The following MYZAP variants were observed in gnomAD, a reference collection of about 807,000 sequenced individuals.
MYZAP encodes the protein myocardial zonula adherens protein, also known as GRINL1A complex locus upstream.
Under a neutral mutation model 69.4 loss-of-function variants are expected in MYZAP, and 66 were observed. The observed-to-expected ratio is 0.95, with a 90% confidence interval of 0.78 to 1.17. MYZAP has a LOEUF of 1.17. Among genes scored for constraint, MYZAP ranks in the 50% most tolerant of loss-of-function variants. The pLI is 0.00. For synonymous variants in MYZAP, 256 were observed against 205.9 expected, an observed-to-expected ratio of 1.24 and a Z score of -2.09; for missense variants, 611 against 556.2, an observed-to-expected ratio of 1.10 and a Z score of -0.99.
At chr15:57,664,147 AC>A (rs1459724187) in intron 11 of MYZAP, among the ~76,000 whole-genome samples, 7 of 150,778 alleles carry the variant, frequency 4.6e-5, no homozygotes, top group Non-Finnish European at 8.8e-5. Context: ...CATCATTTTG[AC>A]ACCTTTCAGA....
chr15:57,664,334 A>T (rs1166123534), intron 11 of MYZAP, among the ~76,000 whole-genome samples: 9 of 152,214 alleles, frequency 5.9e-5, no homozygotes, highest in African/African-American at 2.2e-4. Flanking sequence ...TTAAAAACTT[A>T]TGCATTCTTT....
At chr15:57,627,939 G>T (rs528913479) in intron 5 of MYZAP, among the ~76,000 whole-genome samples, 8 of 152,196 alleles carry the variant, frequency 5.3e-5, no homozygotes, top group Non-Finnish European at 1.0e-4. Flanking sequence ...AATAGCTTCA[G>T]TATTTTCTTT....
intron 12 of MYZAP, among the ~76,000 whole-genome samples, chr15:57,682,571 C>G (rs2039498738): frequency 6.6e-6 from 1 of 152,104 alleles, no homozygotes; most frequent in Non-Finnish European, 1.5e-5. Flanking sequence ...CCTAGTCAAC[C>G]CTCGATAGTA....
intron 6 of MYZAP, among the ~76,000 whole-genome samples, chr15:57,631,844 T>G (rs971376166): frequency 7.2e-5 from 11 of 152,216 alleles, no homozygotes; most frequent in Admixed American, 5.9e-4. Context: ...GCAAACCTTC[T>G]GCAGCATAAA....
At chr15:57,647,062 C>T in intron 10 of MYZAP, 2 of 985,342 alleles carry the variant, frequency 2.0e-6, no homozygotes, top group South Asian at 9.4e-5. Context: ...TGAGTGCGTT[C>T]AGAGGCCCAG....
intron 10 of MYZAP, among the ~76,000 whole-genome samples, chr15:57,643,030 C>A (rs1356424607): frequency 6.6e-6 from 1 of 152,198 alleles, no homozygotes; most frequent in Non-Finnish European, 1.5e-5. Context: ...TGAATTAAGT[C>A]TCCTGTCATG....
At chr15:57,613,162 G>T (rs1458496299) in intron 2 of MYZAP, among the ~76,000 whole-genome samples, 1 of 152,048 alleles carries the variant, frequency 6.6e-6, no homozygotes. Context: ...TCCATCTCCT[G>T]ACCTTGTGAT....
intron 1 of MYZAP, 133 bp downstream of exon 1, chr15:57,592,242 G>T: frequency 2.5e-6 from 2 of 814,934 alleles, no homozygotes; most frequent in Non-Finnish European, 3.3e-6. Context: ...TCAACTCCCC[G>T]GTCCTGTGCC....
chr15:57,647,618 A>G lies in MYZAP; in HGVS notation c.1119+8073A>G, dbSNP rs1437272603. On this transcript the variant is annotated intron_variant, in intron 10 of 12. Coordinates refer to ENST00000267853, the MANE Select transcript of MYZAP (RefSeq NM_001018100.5). ...TAGAGTTTCTTTTCTCTTTTGGGCT[A>G]TGAACCGTACCTGGAGGCCAGGCAG... The G allele has an allele frequency of 1.1e-5, 11 of 985,256 alleles. No individual in the cohort carries two copies. The Admixed American group carries it at 6.2e-4, about 55-fold the overall frequency. 61.0% of individuals were successfully genotyped at this position (985,256 alleles called of 1,614,324 possible).
chr15:57,656,966 G>A (rs1312099220), intron 10 of MYZAP, among the ~76,000 whole-genome samples: 1 of 152,132 alleles, frequency 6.6e-6, no homozygotes, highest in African/African-American at 2.4e-5. Context: ...CTCCAGACTA[G>A]CATCAGCCCT....
At chr15:57,623,222 T>C (rs2035925739) in intron 4 of MYZAP, among the ~76,000 whole-genome samples, 1 of 152,192 alleles carries the variant, frequency 6.6e-6, no homozygotes, top group Non-Finnish European at 1.5e-5. Flanking sequence ...AGAAGAGGGT[T>C]GCTGATGAAA....
intron 2 of MYZAP, among the ~76,000 whole-genome samples, chr15:57,612,572 T>C (rs1666582): frequency 0.07 from 10,708 of 152,290 alleles, 1,028 homozygotes; most frequent in African/African-American, 0.22. Context: ...GCAGATGTTG[T>C]CCCTGGCTTT....
intron 11 of MYZAP, 58 bp from the exon 12 acceptor site, chr15:57,674,910 C>T (rs1225837470): frequency 3.5e-6 from 5 of 1,424,156 alleles, no homozygotes; most frequent in Non-Finnish European, 4.9e-6. Flanking sequence ...TTGTATCATG[C>T]ATATTTGAGG....
At chr15:57,643,940 C>A (rs1434362912) in intron 10 of MYZAP, among the ~76,000 whole-genome samples, 2 of 152,182 alleles carry the variant, frequency 1.3e-5, no homozygotes, top group African/African-American at 4.8e-5. Flanking sequence ...CACTCTACCC[C>A]ACTTTGCTAT....
At position 57,684,425 on chromosome 15, in the gene MYZAP, T is replaced by C. The variant is rs1000283382; in HGVS notation, c.1328T>C (p.Ile443Thr). ...AGCCAAACAGGCAGGACTCGTGAAATTGTGATGCCTTCTAGGAACTACACC... is the reference window on the plus strand; with the variant it reads ...AGCCAAACAGGCAGGACTCGTGAAACTGTGATGCCTTCTAGGAACTACACC... Reference protein sequence around the residue: ...LPSQTGRTREIVMPSRNYTPY... With the variant: ...LPSQTGRTRETVMPSRNYTPY... Residue 443 changes from isoleucine (I) to threonine (T), a missense_variant, in exon 13 of 13, where the codon ATT becomes ACT. Transcript: ENST00000267853. The C allele has an allele frequency of 2.3e-5, 37 of 1,613,058 alleles. No individual in the cohort carries two copies. The highest frequency in any genetic ancestry group is 6.7e-5 in the African/African-American group (5 of 74,866).
At chr15:57,613,628 C>T (rs1468803860) in intron 2 of MYZAP, among the ~76,000 whole-genome samples, 1 of 152,092 alleles carries the variant, frequency 6.6e-6, no homozygotes, top group African/African-American at 2.4e-5. Context: ...GCCTTGGCCT[C>T]CCAAAGTGCT....
chr15:57,632,660 G>C, intron 7 of MYZAP, 101 bp downstream of exon 7: 4 of 1,532,726 alleles, frequency 2.6e-6, no homozygotes, highest in Non-Finnish European at 3.5e-6. Context: ...AGGTGGGTCA[G>C]TAGACTCAGC....
intron 1 of MYZAP, among the ~76,000 whole-genome samples, chr15:57,597,530 G>A (rs570612310): frequency 2.0e-5 from 3 of 152,198 alleles, no homozygotes; most frequent in African/African-American, 7.2e-5. Context: ...ATGGGGCAGG[G>A]AGGGGGAGTC....
In MYZAP at chr15:57,639,362, T is replaced by C. The variant is rs915746500; in HGVS notation, c.1014-78T>C. 4.7e-6 allele frequency: 7 copies of C among 1,486,444 alleles called. No homozygotes were observed. In the African/African-American group the frequency reaches 9.7e-5, roughly 21 times the overall value. The allele number at this position is 1,486,444 out of a possible 1,614,324, so 92.1% of individuals were successfully genotyped here. ...ATGCTTGGCGCTCTTGGCAATATTCTTTAAAGCTGTGACTGTTGCTACTGC... is the reference window on the plus strand; with the variant it reads ...ATGCTTGGCGCTCTTGGCAATATTCCTTAAAGCTGTGACTGTTGCTACTGC... On this transcript the variant is annotated intron_variant, in intron 9 of 12. Coordinates refer to ENST00000267853, the MANE Select transcript of MYZAP (RefSeq NM_001018100.5).
Sources: allele counts gnomAD v4.1 joint callset (sites outside exome capture counted in the v4.1 genomes callset), GRCh38; gene constraint gnomAD v4.1.1; transcripts MANE v1.5; gene names NCBI Gene and HGNC (gene_info 2026-07-23, HGNC 2026-07-21).